UNC13B: variants seen among roughly 807,000 people sequenced by gnomAD.
UNC13B encodes unc-13 homolog B, also known as protein unc-13 homolog B.
A neutral mutation model predicts 211.0 loss-of-function variants in UNC13B; 144 were observed. That is an observed-to-expected ratio of 0.68 (90% CI 0.60 to 0.78). UNC13B has a LOEUF of 0.78. Among genes scored for constraint, UNC13B ranks in the 30% least tolerant of loss-of-function variants. UNC13B has a pLI of 0.00. For missense variants in UNC13B, 1,777 were observed against 2,002.0 expected (o/e 0.89, Z 2.14); for synonymous variants, 709 against 725.8 (o/e 0.98, Z 0.37).
At chr9:35,167,267 G>T (rs576723584) in intron 1 of UNC13B, among the ~76,000 whole-genome samples, 1 of 151,944 alleles carries the variant, frequency 6.6e-6, no homozygotes, top group East Asian at 1.9e-4. Flanking sequence ...TAGAGACAGG[G>T]TTTCACCTTG....
At chr9:35,291,400 A>T (rs1829092426) in intron 7 of UNC13B, among the ~76,000 whole-genome samples, 2 of 152,178 alleles carry the variant, frequency 1.3e-5, no homozygotes, top group Non-Finnish European at 1.5e-5. Context: ...TCAGCCCCCT[A>T]GTGTGGCCTT....
Position 35,308,096 on chromosome 9 carries a change from T to C in UNC13B, c.8692T>C (p.Tyr2898His). 5.0e-6 allele frequency: 2 copies of C among 399,186 alleles called. No individual in the cohort carries two copies. The highest frequency in any genetic ancestry group is 8.8e-6 in the Non-Finnish European group (2 of 226,224). 24.7% of individuals were successfully genotyped at this position (399,186 alleles called of 1,614,324 possible). A position where few individuals can be genotyped will look rare whatever the true frequency, so the allele number is the denominator to read the frequency against. Residue 2898 changes from tyrosine (Y) to histidine (H), a missense_variant, in exon 9 of 40, where the codon TAC becomes CAC. By Grantham distance (83) the Tyr-to-His change is moderately conservative. Transcript: ENST00000635942. The part of the protein sequence containing the change: ...SGASAQPGKV[Y>H]TQPSGTSEQL... ...GGCCAGTGCTCAGCCAGGTAAAGTC[T>C]ACACTCAGCCCTCTGGGACCTCTGA... is the stretch of plus-strand genomic sequence containing the variant.
chr9:35,258,868 T>C (rs1029782718), intron 6 of UNC13B, 125 bp from the exon 7 acceptor site: 1 of 813,050 alleles, frequency 1.2e-6, no homozygotes, highest in Non-Finnish European at 1.9e-6. Context: ...ATGTTCTGTT[T>C]CTGTTCAATA....
Position 35,374,992 on chromosome 9 carries a change from T to C in UNC13B, c.9541-135T>C, listed in dbSNP as rs577801919. ...GACACTTGTCACCTGTTAGGGCGGT[T>C]GCTGTGAGTGACAATAAAAATAGAA... On this transcript the variant is annotated intron_variant, in intron 13 of 39. Transcript: ENST00000635942. 2.3e-5 allele frequency: 20 copies of C among 871,770 alleles called. No individual in the cohort carries two copies. The African/African-American group carries it at 2.3e-4, about 10-fold the overall frequency. The allele number at this position is 871,770 out of a possible 1,614,324, so 54.0% of individuals were successfully genotyped here.
At chr9:35,276,535 C>G (rs1310827897) in intron 7 of UNC13B, among the ~76,000 whole-genome samples, 2 of 152,100 alleles carry the variant, frequency 1.3e-5, no homozygotes, top group African/African-American at 4.8e-5. Context: ...ATTTTGAATT[C>G]GTTGTGGTCA....
At chr9:35,345,025 G>A (rs1158710963) in intron 11 of UNC13B, among the ~76,000 whole-genome samples, 2 of 152,202 alleles carry the variant, frequency 1.3e-5, no homozygotes, top group African/African-American at 4.8e-5. Flanking sequence ...TAATGAACAA[G>A]CTATCAGATG....
intron 1 of UNC13B, among the ~76,000 whole-genome samples, chr9:35,179,358 A>T (rs1821809623): frequency 6.6e-6 from 1 of 152,192 alleles, no homozygotes; most frequent in South Asian, 2.1e-4. Flanking sequence ...CATAAAAAAT[A>T]AAAGGAGTTT....
intron 1 of UNC13B, among the ~76,000 whole-genome samples, chr9:35,218,840 C>A (rs948251180): frequency 2.6e-5 from 4 of 151,722 alleles, no homozygotes; most frequent in African/African-American, 9.7e-5. Context: ...GCCTCTGCTT[C>A]CCGGGTTCAA....
At chr9:35,332,634 C>G (rs1210075843) in intron 11 of UNC13B, among the ~76,000 whole-genome samples, 1 of 152,052 alleles carries the variant, frequency 6.6e-6, no homozygotes, top group African/African-American at 2.4e-5. Context: ...GGTTTCCTTG[C>G]TTTTATTTTC....
At chr9:35,364,932 G>T (rs1833681143) in intron 11 of UNC13B, among the ~76,000 whole-genome samples, 1 of 152,172 alleles carries the variant, frequency 6.6e-6, no homozygotes, top group Non-Finnish European at 1.5e-5. Flanking sequence ...ACCTGTTGCT[G>T]CAAACTCTGG....
At chr9:35,174,516 G>A (rs1564044998) in intron 1 of UNC13B, among the ~76,000 whole-genome samples, 1 of 151,382 alleles carries the variant, frequency 6.6e-6, no homozygotes, top group Non-Finnish European at 1.5e-5. Context: ...AGTAGAGATG[G>A]GGTTTTGCCG....
At chr9:35,353,430 G>A (rs1832842550) in intron 11 of UNC13B, 1 of 1,232,302 alleles carries the variant, frequency 8.1e-7, no homozygotes, top group East Asian at 3.2e-5. Flanking sequence ...GTGAGTTCAG[G>A]GGGTGCCCAG....
At position 35,309,255 on chromosome 9, in the gene UNC13B, GTGTGTGTGTA is replaced by G. The variant is rs1301306323; in HGVS notation, c.9008+845_9008+854del. On this transcript the variant is annotated intron_variant, in intron 9 of 39. Transcript: ENST00000635942. ...TGTGTGTGTGTGTGTGTGTGTGTGT[GTGTGTGTGTA>G]TACTTATGTACAAGTATATGTGTTT... Among the ~76,000 whole-genome samples, 3 of 136,520 alleles carry G rather than the reference GTGTGTGTGTA, an allele frequency of 2.2e-5. No individual in the cohort carries two copies. The East Asian group carries it at 6.3e-4, about 29-fold the overall frequency. 89.6% of individuals were successfully genotyped at this position (136,520 alleles called of 152,430 possible).
intron 11 of UNC13B, among the ~76,000 whole-genome samples, chr9:35,343,944 A>G (rs1246497023): frequency 6.6e-6 from 1 of 152,024 alleles, no homozygotes; most frequent in East Asian, 1.9e-4. Context: ...TACTTTGGCT[A>G]TTGGGTTAGA....
intron 5 of UNC13B, among the ~76,000 whole-genome samples, chr9:35,240,642 CT>C (rs1825755212): frequency 6.6e-6 from 1 of 151,972 alleles, no homozygotes; most frequent in Admixed American, 6.6e-5. Context: ...TTTCCAGAGA[CT>C]TTAAATCGTT....
intron 11 of UNC13B, among the ~76,000 whole-genome samples, chr9:35,323,849 G>A (rs1231248608): frequency 1.3e-5 from 2 of 151,120 alleles, no homozygotes; most frequent in Non-Finnish European, 2.9e-5. Flanking sequence ...CTTCCTTGTT[G>A]CAATTAGATT....
At chr9:35,333,306 T>C (rs909701897) in intron 11 of UNC13B, among the ~76,000 whole-genome samples, 1 of 152,166 alleles carries the variant, frequency 6.6e-6, no homozygotes, top group Non-Finnish European at 1.5e-5. Flanking sequence ...AAATTAATTT[T>C]TCTTTACATT....
chr9:35,223,058 A>G (rs879787496), intron 1 of UNC13B, among the ~76,000 whole-genome samples: 16 of 152,184 alleles, frequency 1.1e-4, no homozygotes, highest in African/African-American at 2.4e-4. Flanking sequence ...ATAGTATTCC[A>G]TTGTATATAT....
intron 24 of UNC13B, among the ~76,000 whole-genome samples, chr9:35,386,783 G>C (rs1031794728): frequency 1.3e-5 from 2 of 152,076 alleles, no homozygotes; most frequent in Non-Finnish European, 2.9e-5. Flanking sequence ...TGGCTATCAA[G>C]ACTGACCCTA....
Sources: gnomAD v4.1 joint callset for allele counts (sites outside exome capture counted in the v4.1 genomes callset) on GRCh38, gnomAD v4.1.1 for gene constraint, MANE v1.5 for transcripts, NCBI Gene and HGNC (gene_info 2026-07-23, HGNC 2026-07-21) for gene names.